Variants in LPP observed in about 807,000 individuals in gnomAD.
LPP encodes LIM domain containing preferred translocation partner in lipoma.
LPP carries 38 observed loss-of-function variants against 60.4 expected under a neutral mutation model. The ratio of observed to expected loss-of-function variants is 0.63; its 90% CI spans 0.49 to 0.83. The LOEUF (loss-of-function observed/expected upper bound fraction) is 0.83, where lower values mean the gene tolerates loss of function less well. LPP is among the 40% of genes least tolerant of loss of function. The probability of loss-of-function intolerance (pLI) is 0.00; values close to 1 mark genes in which losing one functional copy is unlikely to be tolerated. For missense variants in LPP, 902 were observed against 783.6 expected (o/e 1.15, Z -1.80); for synonymous variants, 328 against 290.8 (o/e 1.13, Z -1.30).
chr3:188,868,872 A>C (rs993572969), intron 10 of LPP, among the ~76,000 whole-genome samples: 3 of 152,202 alleles, frequency 2.0e-5, no homozygotes, highest in African/African-American at 7.2e-5. Flanking sequence ...AAGGAGAGAG[A>C]TACAAGGAGA....
intron 7 of LPP, among the ~76,000 whole-genome samples, chr3:188,680,583 A>G (rs1859261556): frequency 6.6e-6 from 1 of 152,232 alleles, no homozygotes; most frequent in Non-Finnish European, 1.5e-5. Flanking sequence ...TCAGTAGCAG[A>G]AAATAACAGT....
At chr3:188,444,146 G>T (rs191910928) in intron 4 of LPP, among the ~76,000 whole-genome samples, 40 of 152,234 alleles carry the variant, frequency 2.6e-4, no homozygotes, top group South Asian at 1.2e-3. Flanking sequence ...TTCTTGGGAA[G>T]GGAATAACTA....
intron 2 of LPP, among the ~76,000 whole-genome samples, chr3:188,337,081 T>C (rs1304134528): frequency 6.6e-6 from 1 of 152,074 alleles, no homozygotes; most frequent in Non-Finnish European, 1.5e-5. Flanking sequence ...GAAAGGTAGA[T>C]TAAGTGACTC....
intron 7 of LPP, among the ~76,000 whole-genome samples, chr3:188,707,913 C>T (rs1191390171): frequency 6.6e-6 from 1 of 152,196 alleles, no homozygotes; most frequent in East Asian, 1.9e-4. Context: ...GTGCCTGTAT[C>T]TCTCACTTCA....
intron 4 of LPP, among the ~76,000 whole-genome samples, chr3:188,439,690 T>C (rs983168381): frequency 6.6e-6 from 1 of 152,244 alleles, no homozygotes; most frequent in Non-Finnish European, 1.5e-5. Flanking sequence ...GTTCAACATA[T>C]AACTCCGTAT....
chr3:188,332,863 T>A (rs1760499211), intron 2 of LPP, among the ~76,000 whole-genome samples: 1 of 152,136 alleles, frequency 6.6e-6, no homozygotes, highest in Non-Finnish European at 1.5e-5. Context: ...TTTGTGAGAA[T>A]CAACCTCCAG....
In LPP at chr3:188,689,300, T is replaced by G. The variant is rs147255540; in HGVS notation, c.1114-18967T>G. Reference sequence around the variant, plus strand: ...GGTTCTGGACTCTGAAGCCCAGGCATGCATATTGCAAAAGTCAGAATCGAA... The same window carrying G: ...GGTTCTGGACTCTGAAGCCCAGGCAGGCATATTGCAAAAGTCAGAATCGAA... On this transcript the variant is annotated intron_variant, in intron 7 of 11. Transcript: ENST00000617246. Among the ~76,000 whole-genome samples, 15 of 152,346 alleles carry G rather than the reference T, an allele frequency of 9.8e-5. No individual in the cohort carries two copies. The East Asian group carries it at 1.7e-3, about 18-fold the overall frequency.
At chr3:188,816,175 C>A (rs373668608) in intron 9 of LPP, among the ~76,000 whole-genome samples, 1 of 150,482 alleles carries the variant, frequency 6.6e-6, no homozygotes, top group African/African-American at 2.4e-5. Context: ...TTTATCTAAG[C>A]CTGAATTGTA....
At chr3:188,442,345 C>T (rs1309424124) in intron 4 of LPP, among the ~76,000 whole-genome samples, 2 of 152,148 alleles carry the variant, frequency 1.3e-5, no homozygotes, top group African/African-American at 4.8e-5. Flanking sequence ...CATTGTTCAA[C>T]TCCCACTTGT....
In LPP at chr3:188,339,860, T is replaced by C. The variant is rs537572517; in HGVS notation, c.-66-1803T>C. On this transcript the variant is annotated intron_variant, in intron 2 of 11. Transcript: ENST00000617246. ...GCCCAGGGATGTTGCATCTTGAAAC[T>C]TTCCTGGTGAGATCTGAGAAAGTGT... Among the ~76,000 whole-genome samples the C allele has an allele frequency of 3.9e-5, 6 of 152,352 alleles. No individual in the cohort carries two copies. The South Asian group carries it at 1.2e-3, about 32-fold the overall frequency.
At chr3:188,519,452 G>C (rs372242514) in intron 5 of LPP, among the ~76,000 whole-genome samples, 3 of 152,264 alleles carry the variant, frequency 2.0e-5, no homozygotes, top group East Asian at 3.9e-4. Context: ...AATTAAAAGA[G>C]AATAAAAAGA....
intron 4 of LPP, among the ~76,000 whole-genome samples, chr3:188,474,818 G>A (rs1032639664): frequency 1.4e-4 from 22 of 152,162 alleles, no homozygotes; most frequent in Admixed American, 1.4e-3. Context: ...GAAGACTGAT[G>A]CATTAAGCTC....
At chr3:188,769,549 T>C (rs1735200607) in intron 9 of LPP, among the ~76,000 whole-genome samples, 1 of 152,214 alleles carries the variant, frequency 6.6e-6, no homozygotes, top group Admixed American at 6.5e-5. Context: ...GCTGTTGTCA[T>C]AGAATTAGAA....
intron 6 of LPP, among the ~76,000 whole-genome samples, chr3:188,531,446 T>A (rs1256281862): frequency 1.3e-5 from 2 of 152,144 alleles, no homozygotes; most frequent in Non-Finnish European, 2.9e-5. Context: ...CTTGGTGGGC[T>A]CCTGGATTTT....
chr3:188,216,273 C>CTTTTTTTTTTT (rs1315000809), intron 1 of LPP, among the ~76,000 whole-genome samples: 1 of 131,174 alleles, frequency 7.6e-6, no homozygotes, highest in African/African-American at 2.8e-5. Flanking sequence ...CTTCTTCTTC[C>CTTTTTTTTTTT]TTTTTTTTTT....
Position 188,177,913 on chromosome 3 carries a change from G to A in LPP, c.-190+23661G>A, listed in dbSNP as rs116425002. Among the ~76,000 whole-genome samples, 462 of 152,314 alleles carry A rather than the reference G, an allele frequency of 3.0e-3. 4 individuals are homozygous for A. Among genetic ancestry groups the A allele is most frequent in the African/African-American group, 0.01 (431 of 41,560 alleles). On this transcript the variant is annotated intron_variant, in intron 1 of 11. Coordinates refer to ENST00000617246, the MANE Select transcript of LPP (RefSeq NM_001375462.1). ...GACAGGGATGCTGGGAAGATGTGAC[G>A]ATGTGCATAAGTGTGTCATGTTCAA...
chr3:188,630,999 C>T (rs1343660488), intron 7 of LPP, among the ~76,000 whole-genome samples: 1 of 151,992 alleles, frequency 6.6e-6, no homozygotes, highest in African/African-American at 2.4e-5. Context: ...AAGAGGGGAA[C>T]AATAGACACT....
Position 188,884,730 on chromosome 3 carries a change from A to C in LPP, c.*10251A>C, listed in dbSNP as rs1262601232. 1 of 226,576 alleles carries C rather than the reference A, an allele frequency of 4.4e-6. No individual in the cohort carries two copies. The highest frequency in any genetic ancestry group is 8.8e-6 in the Non-Finnish European group (1 of 114,024). The allele number at this position is 226,576 out of a possible 1,614,324, so 14.0% of individuals were successfully genotyped here. A position where few individuals can be genotyped will look rare whatever the true frequency, so the allele number is the denominator to read the frequency against. On this transcript the variant is annotated 3_prime_UTR_variant, in exon 12 of 12. Coordinates refer to ENST00000617246, the MANE Select transcript of LPP (RefSeq NM_001375462.1). ...AGAAGCCTCTCTCCCATGAACCACG[A>C]TGTACGTTCCACAGAGGCAGAAACC...
chr3:188,165,089 T>C (rs750400375), intron 1 of LPP, among the ~76,000 whole-genome samples: 29 of 151,912 alleles, frequency 1.9e-4, no homozygotes, highest in Middle Eastern at 6.8e-3. Context: ...CTGGGTAATA[T>C]AGCAAGATCC....
Sources: gnomAD v4.1 joint callset for allele counts (sites outside exome capture counted in the v4.1 genomes callset) on GRCh38, gnomAD v4.1.1 for gene constraint, MANE v1.5 for transcripts, NCBI Gene and HGNC (gene_info 2026-07-23, HGNC 2026-07-21) for gene names.